PCDHA2: variants seen among roughly 807,000 people sequenced by gnomAD.
PCDHA2 encodes the protein protocadherin alpha-2.
A neutral mutation model predicts 66.0 loss-of-function variants in PCDHA2; 58 were observed. The ratio of observed to expected loss-of-function variants is 0.88; its 90% CI spans 0.71 to 1.09. The LOEUF is 1.09. Among genes scored for constraint, PCDHA2 ranks in the 50% least tolerant of loss-of-function variants. The pLI, the probability that PCDHA2 is intolerant of heterozygous loss-of-function variation, is 0.00. For synonymous variants in PCDHA2, 634 were observed against 554.0 expected, an observed-to-expected ratio of 1.14 and a Z score of -2.03; for missense variants, 1,267 against 1,242.3, an observed-to-expected ratio of 1.02 and a Z score of -0.30.
At chr5:140,949,603 A>G (rs1218724530) in intron 1 of PCDHA2, among the ~76,000 whole-genome samples, 3 of 151,662 alleles carry the variant, frequency 2.0e-5, no homozygotes, top group Non-Finnish European at 4.4e-5. Flanking sequence ...TGGCCATTCT[A>G]GTCTCATGTT....
At chr5:140,877,272 C>T in intron 1 of PCDHA2, 3 of 1,613,832 alleles carry the variant, frequency 1.9e-6, no homozygotes, top group Non-Finnish European at 2.5e-6. Flanking sequence ...TGGACGCTGA[C>T]TCCGGCTATA....
In PCDHA2 at chr5:140,796,594, C is replaced by T; in HGVS notation, c.1630C>T (p.Pro544Ser). ...GAGCGCGCGGGATGCGGGCGTGCCG[C>T]CTCTGGGCAGCAACGTGACGCTGCA... ...QVSARDAGVP[P>S]LGSNVTLQVF... Residue 544 changes from proline to serine, a missense_variant, in exon 1 of 4, where the codon CCT (proline) becomes TCT (serine). Physicochemically the swap from Pro to Ser is moderately conservative, Grantham distance 74 (BLOSUM62 -1). Transcript: ENST00000526136. 1 of 1,612,524 alleles carries T rather than the reference C, an allele frequency of 6.2e-7. No individual in the cohort carries two copies. Among genetic ancestry groups the T allele is most frequent in the Non-Finnish European group, 8.5e-7 (1 of 1,179,598 alleles).
In PCDHA2 at chr5:140,872,829, G is replaced by GA. The variant is rs1562676145; in HGVS notation, c.2388+75483dup. ...AAGTTTTTCAGATTCATCTAGCAGA[G>GA]AAAAAATTAAATATATTAATGTGAG... is the stretch of plus-strand genomic sequence containing the variant. On this transcript the variant is annotated intron_variant, in intron 1 of 3. Transcript: ENST00000526136. Among the ~76,000 whole-genome samples, 5 of 152,156 alleles carry GA rather than the reference G, an allele frequency of 3.3e-5. No homozygotes were observed. The South Asian group carries it at 8.3e-4, about 25-fold the overall frequency.
In PCDHA2 at chr5:141,009,709, C is replaced by A; in HGVS notation, c.2619C>A (p.Asn873Lys). The A allele has an allele frequency of 6.2e-7, 1 of 1,614,118 alleles. No homozygotes were observed. Among genetic ancestry groups the A allele is most frequent in the Non-Finnish European group, 8.5e-7 (1 of 1,180,024 alleles). Reference sequence around the variant, plus strand: ...GGACCTTTAAATACGGACCAGGCAACCCCAAACAATCCGGTCCCGGTGAGT... The same window carrying A: ...GGACCTTTAAATACGGACCAGGCAAACCCAAACAATCCGGTCCCGGTGAGT... ...NSWTFKYGPG[N>K]PKQSGPGELP... is the part of the protein sequence containing the mutation. The change falls in exon 4 of 4, where the codon AAC (asparagine) becomes AAA (lysine). Residue 873 changes from asparagine (N) to lysine (K), a missense_variant. Physicochemically the swap from Asn to Lys is moderately conservative, Grantham distance 94. Transcript: ENST00000526136.
chr5:140,948,096 T>C (rs550126735), intron 1 of PCDHA2, among the ~76,000 whole-genome samples: 1 of 151,754 alleles, frequency 6.6e-6, no homozygotes, highest in East Asian at 1.9e-4. Flanking sequence ...TATGAGCATA[T>C]GATTTTTCTT....
chr5:140,831,586 C>T (rs1771633108), intron 1 of PCDHA2, among the ~76,000 whole-genome samples: 1 of 142,296 alleles, frequency 7.0e-6, no homozygotes, highest in South Asian at 2.4e-4. Flanking sequence ...TGGTCTCAAA[C>T]TACTGGGTGC....
chr5:140,853,782 G>C (rs555382075), intron 1 of PCDHA2: 1 of 987,688 alleles, frequency 1.0e-6, no homozygotes, highest in Non-Finnish European at 1.2e-6. Context: ...TGGGTAGTAA[G>C]AGCAAATTTT....
intron 1 of PCDHA2, among the ~76,000 whole-genome samples, chr5:140,911,106 G>T (rs192768876): frequency 6.6e-6 from 1 of 152,214 alleles, no homozygotes; most frequent in Non-Finnish European, 1.5e-5. Flanking sequence ...TGCCTCAGGG[G>T]AAGCCATCAC....
At chr5:140,942,434 T>C (rs2093297092) in intron 1 of PCDHA2, among the ~76,000 whole-genome samples, 1 of 151,244 alleles carries the variant, frequency 6.6e-6, no homozygotes, top group African/African-American at 2.4e-5. Flanking sequence ...TATCTAACAA[T>C]AAACAAGTAA....
chr5:140,825,742 G>A (rs1768696427), intron 1 of PCDHA2: 1 of 152,284 alleles, frequency 6.6e-6, no homozygotes, highest in Non-Finnish European at 1.5e-5. Context: ...TATTGATGAG[G>A]AGTAACTGTG....
chr5:140,914,073 C>T (rs1314205032), intron 1 of PCDHA2, among the ~76,000 whole-genome samples: 2 of 152,120 alleles, frequency 1.3e-5, no homozygotes, highest in Non-Finnish European at 2.9e-5. Flanking sequence ...TGCTCCATAA[C>T]TATCTATTAG....
At chr5:140,977,784 A>G (rs1284023783) in intron 1 of PCDHA2, among the ~76,000 whole-genome samples, 1 of 152,366 alleles carries the variant, frequency 6.6e-6, no homozygotes, top group East Asian at 1.9e-4. Context: ...TAAAGGAACT[A>G]TATGAATGAT....
intron 1 of PCDHA2, among the ~76,000 whole-genome samples, chr5:140,952,242 C>A (rs1469286013): frequency 6.6e-6 from 1 of 151,750 alleles, no homozygotes; most frequent in Admixed American, 6.6e-5. Flanking sequence ...CTGCTTAGAA[C>A]TGCTGGTGGA....
chr5:140,884,634 G>T (rs1263952131), intron 1 of PCDHA2: 2 of 1,612,298 alleles, frequency 1.2e-6, no homozygotes, highest in Middle Eastern at 1.6e-4. Context: ...ACAGGCCAGA[G>T]GGAGGAGGAC....
intron 1 of PCDHA2, among the ~76,000 whole-genome samples, chr5:140,818,917 A>G (rs2150102673): frequency 6.6e-6 from 1 of 152,224 alleles, no homozygotes; most frequent in East Asian, 1.9e-4. Context: ...GTCCCTTTCT[A>G]TTAAGTGAGA....
intron 1 of PCDHA2, chr5:140,829,501 G>A (rs2150169011): frequency 4.3e-6 from 7 of 1,613,442 alleles, no homozygotes; most frequent in Middle Eastern, 1.8e-4. Context: ...ACAACCCGCC[G>A]GGCTGCCACA....
chr5:140,876,476 T>G, intron 1 of PCDHA2: 1 of 1,614,036 alleles, frequency 6.2e-7, no homozygotes, highest in Non-Finnish European at 8.5e-7. Context: ...GGTCACAGCA[T>G]GGTCCTGGTG....
chr5:140,974,322 G>A (rs11743888), intron 1 of PCDHA2, among the ~76,000 whole-genome samples: 7,497 of 152,260 alleles, frequency 0.049, 207 homozygotes, highest in Middle Eastern at 0.068. Flanking sequence ...GAGAGTAGCT[G>A]CTGTGCTAGC....
At chr5:140,863,351 C>A in intron 1 of PCDHA2, 1 of 1,288,682 alleles carries the variant, frequency 7.8e-7, no homozygotes, top group Non-Finnish European at 1.1e-6. Flanking sequence ...CTGTACACGA[C>A]GCTGCGGTGC....
Sources: allele counts gnomAD v4.1 joint callset (sites outside exome capture counted in the v4.1 genomes callset), GRCh38; gene constraint gnomAD v4.1.1; transcripts MANE v1.5; gene names NCBI Gene and HGNC (gene_info 2026-07-23, HGNC 2026-07-21).